Variants in ADGRL2 observed in about 807,000 individuals in gnomAD.
The protein encoded by ADGRL2 is calcium-independent alpha-latrotoxin receptor 2.
ADGRL2 carries 44 observed loss-of-function variants against 157.4 expected under a neutral mutation model. The observed-to-expected ratio is 0.28, with a 90% confidence interval of 0.22 to 0.36. ADGRL2 has a LOEUF of 0.36. Ranked by LOEUF, ADGRL2 falls within the 10% of genes least tolerant of loss-of-function variation. The pLI is 1.00. For synonymous variants in ADGRL2, 585 were observed against 624.7 expected (o/e 0.94, Z 0.95); for missense variants, 1,510 against 1,768.9 (o/e 0.85, Z 2.63).
At chr1:81,503,789 T>A (rs2078908592) in intron 2 of ADGRL2, among the ~76,000 whole-genome samples, 1 of 152,178 alleles carries the variant, frequency 6.6e-6, no homozygotes, top group African/African-American at 2.4e-5. Flanking sequence ...ATCGACAATC[T>A]GTCAGCCGAC....
At chr1:81,683,105 C>G (rs1449967163) in intron 3 of ADGRL2, among the ~76,000 whole-genome samples, 1 of 152,020 alleles carries the variant, frequency 6.6e-6, no homozygotes, top group South Asian at 2.1e-4. Flanking sequence ...TGCACTGCAG[C>G]CTGGGTGACA....
chr1:81,436,965 C>A (rs1431741909), intron 1 of ADGRL2, among the ~76,000 whole-genome samples: 1 of 152,224 alleles, frequency 6.6e-6, no homozygotes. Flanking sequence ...AATTCCACTC[C>A]TTACGATAGT....
At chr1:81,784,953 C>T (rs1401280647) in intron 2 of ADGRL2, among the ~76,000 whole-genome samples, 1 of 151,834 alleles carries the variant, frequency 6.6e-6, no homozygotes, top group Non-Finnish European at 1.5e-5. Flanking sequence ...GGAGAGAAGA[C>T]AAAATTTTTG....
At chr1:81,884,975 G>C (rs534845020) in intron 2 of ADGRL2, among the ~76,000 whole-genome samples, 1 of 152,256 alleles carries the variant, frequency 6.6e-6, no homozygotes, top group South Asian at 2.1e-4. Flanking sequence ...ATAGAATTAT[G>C]TTGGAAAACA....
intron 1 of ADGRL2, among the ~76,000 whole-genome samples, chr1:81,419,280 T>TACC (rs1382791110): frequency 6.6e-6 from 1 of 152,214 alleles, no homozygotes; most frequent in Non-Finnish European, 1.5e-5. Context: ...TTCAGCTCAC[T>TACC]ACCACCACCG....
intron 1 of ADGRL2, among the ~76,000 whole-genome samples, chr1:81,383,570 A>C (rs1417190277): frequency 6.6e-6 from 1 of 152,040 alleles, no homozygotes; most frequent in Admixed American, 6.6e-5. Flanking sequence ...ACAAGTATGC[A>C]ATAGATACAC....
At chr1:81,573,192 G>T (rs569040498) in intron 2 of ADGRL2, among the ~76,000 whole-genome samples, 1 of 151,908 alleles carries the variant, frequency 6.6e-6, no homozygotes, top group African/African-American at 2.4e-5. Flanking sequence ...AGGCTATCAG[G>T]TTTTGCTAAT....
chr1:81,631,119 A>G (rs1471953466), intron 3 of ADGRL2, among the ~76,000 whole-genome samples: 1 of 152,102 alleles, frequency 6.6e-6, no homozygotes, highest in Non-Finnish European at 1.5e-5. Flanking sequence ...TATGAGTCCA[A>G]AATGTAGATT....
rs369974688 is a variant in ADGRL2 at position 81,659,352 on chromosome 1, A to G, written c.-143+78372A>G. Among the ~76,000 whole-genome samples, 65 of 152,272 alleles carry G rather than the reference A, an allele frequency of 4.3e-4. 2 individuals are homozygous for G. In the East Asian group the frequency reaches 8.9e-3, roughly 21 times the overall value. On this transcript the variant is annotated intron_variant, in intron 3 of 24. Transcript: ENST00000370721. ...GCTGGGATTACAGGTGTGAGCCACC[A>G]TGCCCAACCCTAGTTACATTTTTGA...
chr1:81,933,122 T>C (rs2095258985), intron 3 of ADGRL2, among the ~76,000 whole-genome samples: 1 of 152,232 alleles, frequency 6.6e-6, no homozygotes, highest in Non-Finnish European at 1.5e-5. Context: ...AAATATAAAA[T>C]GAAATAAGAC....
At chr1:81,485,368 CT>C (rs1371772237) in intron 2 of ADGRL2, among the ~76,000 whole-genome samples, 1 of 151,894 alleles carries the variant, frequency 6.6e-6, no homozygotes, top group African/African-American at 2.4e-5. Context: ...CATGTTGCCC[CT>C]GTTTTAAGAT....
chr1:81,458,142 CA>C (rs1008793749), intron 2 of ADGRL2, among the ~76,000 whole-genome samples: 2 of 152,154 alleles, frequency 1.3e-5, no homozygotes, highest in Admixed American at 1.3e-4. Flanking sequence ...AGTTATACCA[CA>C]TAGACTGTTC....
intron 2 of ADGRL2, among the ~76,000 whole-genome samples, chr1:81,525,182 T>C (rs1250731785): frequency 6.6e-6 from 1 of 152,184 alleles, no homozygotes; most frequent in Admixed American, 6.5e-5. Context: ...TTCAGGCACA[T>C]ATTTTCTAAC....
chr1:81,618,355 C>G (rs976076956), intron 3 of ADGRL2, among the ~76,000 whole-genome samples: 1 of 152,180 alleles, frequency 6.6e-6, no homozygotes. Flanking sequence ...TCCCTATCCA[C>G]TCAGAGGCTT....
intron 3 of ADGRL2, among the ~76,000 whole-genome samples, chr1:81,654,918 G>A (rs968270678): frequency 1.3e-5 from 2 of 152,152 alleles, no homozygotes; most frequent in African/African-American, 4.8e-5. Flanking sequence ...CTGCAAAATT[G>A]CTCAATAAAT....
chr1:81,751,503 A>T (rs970057698), intron 1 of ADGRL2, among the ~76,000 whole-genome samples: 5 of 152,208 alleles, frequency 3.3e-5, no homozygotes, highest in African/African-American at 1.2e-4. Flanking sequence ...ACTAACTCAC[A>T]ATCTTCAAAA....
rs1572547304 is a variant in ADGRL2, at chr1:81,989,507, A to G, written c.3656-884A>G. On this transcript the variant is annotated intron_variant, in intron 23 of 23. Transcript: ENST00000686636. ...ATTAGAGAGATTATTAGTACCAAAT[A>G]CTCAAAATAATAAATATTAAATGAA... The G allele has an allele frequency of 3.9e-5, 24 of 611,102 alleles. No homozygotes were observed. In the East Asian group the frequency reaches 6.8e-4, roughly 17 times the overall value. 37.9% of individuals were successfully genotyped at this position (611,102 alleles called of 1,614,324 possible).
At chr1:81,961,309 G>T (rs1169692262) in intron 11 of ADGRL2, among the ~76,000 whole-genome samples, 2 of 151,790 alleles carry the variant, frequency 1.3e-5, no homozygotes, top group Non-Finnish European at 2.9e-5. Context: ...AGATTTTTTT[G>T]GAAAAAGAAA....
chr1:81,315,467 C>T (rs960867204), intron 1 of ADGRL2, among the ~76,000 whole-genome samples: 1 of 151,996 alleles, frequency 6.6e-6, no homozygotes, highest in South Asian at 2.1e-4. Flanking sequence ...TTAGAAATGA[C>T]ATAATGACAA....
Sources: allele counts gnomAD v4.1 joint callset (sites outside exome capture counted in the v4.1 genomes callset), GRCh38; gene constraint gnomAD v4.1.1; transcripts MANE v1.5; gene names NCBI Gene and HGNC (gene_info 2026-07-23, HGNC 2026-07-21).